Variants in DENND4A observed in about 807,000 individuals in gnomAD.
The protein encoded by DENND4A is C-myc promoter-binding protein.
Under a neutral mutation model 199.3 loss-of-function variants are expected in DENND4A, and 70 were observed. The ratio of observed to expected loss-of-function variants is 0.35; its 90% confidence interval spans 0.29 to 0.43. The LOEUF (loss-of-function observed/expected upper bound fraction) is 0.43. Ranked by LOEUF, DENND4A falls within the 20% of genes least tolerant of loss-of-function variation. The probability of loss-of-function intolerance (pLI) is 1.00; values close to 1 mark genes in which losing one functional copy is unlikely to be tolerated. For missense variants in DENND4A, 1,723 were observed against 2,255.8 expected, an observed-to-expected ratio of 0.76 and a Z score of 4.78; for synonymous variants, 686 against 766.9, an observed-to-expected ratio of 0.89 and a Z score of 1.74.
intron 23 of DENND4A, among the ~76,000 whole-genome samples, chr15:65,690,098 G>A (rs1440676802): frequency 6.6e-6 from 1 of 152,054 alleles, no homozygotes; most frequent in Non-Finnish European, 1.5e-5. Flanking sequence ...AGGGCATATT[G>A]GACACATTAT....
intron 32 of DENND4A, 32 bp from the exon 33 acceptor site, chr15:65,662,019 A>C: frequency 1.9e-6 from 3 of 1,574,734 alleles, no homozygotes; most frequent in Middle Eastern, 3.4e-4. Context: ...TAAAAGAATA[A>C]AGAAATTTAG....
intron 14 of DENND4A, among the ~76,000 whole-genome samples, chr15:65,708,721 C>T (rs980176608): frequency 3.9e-5 from 6 of 152,098 alleles, no homozygotes; most frequent in African/African-American, 1.4e-4. Context: ...CATTAATATG[C>T]TCAGAAAACA....
At chr15:65,783,492 A>T (rs2077486917) in intron 1 of DENND4A, among the ~76,000 whole-genome samples, 1 of 152,222 alleles carries the variant, frequency 6.6e-6, no homozygotes, top group Non-Finnish European at 1.5e-5. Context: ...CTATACACTG[A>T]AAAGGCCTAG....
intron 14 of DENND4A, chr15:65,715,271 T>C: frequency 2.3e-6 from 1 of 431,448 alleles, no homozygotes; most frequent in South Asian, 3.4e-5. Flanking sequence ...TGATTACAAT[T>C]ACCTTGTAGT....
intron 1 of DENND4A, among the ~76,000 whole-genome samples, chr15:65,770,805 A>T (rs1420823709): frequency 6.6e-6 from 1 of 152,236 alleles, no homozygotes; most frequent in Non-Finnish European, 1.5e-5. Flanking sequence ...TAAATAAAAA[A>T]GCAGTAACCT....
intron 1 of DENND4A, 67 bp downstream of exon 1, chr15:65,791,943 T>A (rs1181808018): frequency 1.3e-5 from 2 of 150,462 alleles, no homozygotes; most frequent in African/African-American, 4.9e-5. Context: ...CGCCCCCGGC[T>A]GTCACCTCTC....
At chr15:65,696,251 CAAAAT>C (rs1293024783) in intron 22 of DENND4A, 110 bp downstream of exon 22, 1 of 1,340,252 alleles carries the variant, frequency 7.5e-7, no homozygotes, top group Non-Finnish European at 9.9e-7. Flanking sequence ...AGAGGCTGCA[CAAAAT>C]ATTTTTTAAA....
intron 11 of DENND4A, chr15:65,727,817 T>C (rs762652329): frequency 1.4e-4 from 55 of 398,928 alleles, no homozygotes; most frequent in East Asian, 3.9e-4. Context: ...CACAAAACAA[T>C]ACAGAATTAT....
At position 65,661,646 on chromosome 15, in the gene DENND4A, AAAAG is replaced by A. The variant is rs976055016; in HGVS notation, c.*201_*204del. The A allele has an allele frequency of 2.8e-5, 11 of 399,908 alleles. No homozygotes were observed. The highest frequency in any genetic ancestry group is 2.2e-4 in the African/African-American group (11 of 49,066). 24.8% of individuals were successfully genotyped at this position (399,908 alleles called of 1,614,324 possible). On this transcript the variant is annotated 3_prime_UTR_variant, in exon 33 of 33. Coordinates refer to ENST00000443035, the MANE Select transcript of DENND4A (RefSeq NM_001320835.1). ...TTACAGGGGAGTTAAAGAAGAAGAA[AAAAG>A]AAATGAGAAACAAAGTGGCTTTCTC...
chr15:65,670,054 G>A lies in DENND4A; in HGVS notation c.4599C>T (p.Pro1533=). 6.3e-7 allele frequency: 1 copy of A among 1,599,038 alleles called. No individual in the cohort carries two copies. The highest frequency in any genetic ancestry group is 8.5e-7 in the Non-Finnish European group (1 of 1,172,190). Residue 1533 remains proline (P), a synonymous_variant, in exon 26 of 33, where the codon CCC becomes CCT. Coordinates refer to ENST00000443035, the MANE Select transcript of DENND4A (RefSeq NM_001320835.1). ...TCPFCGNIFL[P]FLNIEIRDLR... ...AATCTCTTATTTCTATATTCAGAAA[G>A]GGTAAGAAGATATTGCCACAGAATG...
chr15:65,661,073 A>G lies in DENND4A; in HGVS notation c.*778T>C, dbSNP rs1023032383. 1.3e-5 allele frequency: 2 copies of G among 152,194 alleles called. No homozygotes were observed. Among genetic ancestry groups the G allele is most frequent in the African/African-American group, 4.8e-5 (2 of 41,438 alleles). 9.4% of individuals were successfully genotyped at this position (152,194 alleles called of 1,614,324 possible). A position where few individuals can be genotyped will look rare whatever the true frequency, so the allele number is the denominator to read the frequency against. On this transcript the variant is annotated 3_prime_UTR_variant, in exon 33 of 33. Coordinates refer to ENST00000443035, the MANE Select transcript of DENND4A (RefSeq NM_001320835.1). ...AGAGACAATTTTGGAGTCATGGTAT[A>G]GTGAACCTCTCTGGCTCTCCTTGCA...
intron 20 of DENND4A, among the ~76,000 whole-genome samples, chr15:65,699,590 T>C (rs1052199911): frequency 6.7e-6 from 1 of 149,538 alleles, no homozygotes; most frequent in Admixed American, 6.7e-5. Flanking sequence ...TAAATACATA[T>C]ACATATGTGT....
rs1289550191 is a variant in DENND4A at position 65,729,055 on chromosome 15, C to T, written c.1487+17G>A. 4 of 1,562,174 alleles carry T rather than the reference C, an allele frequency of 2.6e-6. No homozygotes were observed. The African/African-American group carries it at 5.4e-5, about 21-fold the overall frequency. On this transcript the variant is annotated intron_variant, in intron 11 of 32. Coordinates refer to ENST00000443035, the MANE Select transcript of DENND4A (RefSeq NM_001320835.1). Reference sequence around the variant, plus strand: ...AAGTTGTAAAATATACATGTAGAATCACTAAAATGTACTTACTGAGAAATA... The same window carrying T: ...AAGTTGTAAAATATACATGTAGAATTACTAAAATGTACTTACTGAGAAATA...
Position 65,788,854 on chromosome 15 carries a change from T to TA in DENND4A, c.-102+3155dup, listed in dbSNP as rs34831088. On this transcript the variant is annotated intron_variant, in intron 1 of 32. Transcript: ENST00000443035. The stretch of plus-strand genomic sequence containing the variant: ...TGGGTGACAGAGCCAGGACTTGTCT[T>TA]AAAAAAAAAAAAAAAAAAAAAAAGT... Among the ~76,000 whole-genome samples, 801 of 102,276 alleles carry TA rather than the reference T, an allele frequency of 7.8e-3. 5 individuals are homozygous for TA. Among genetic ancestry groups the TA allele is most frequent in the African/African-American group, 0.021 (540 of 25,826 alleles). The allele number at this position is 102,276 out of a possible 152,430, so 67.1% of individuals were successfully genotyped here. A position where few individuals can be genotyped will look rare whatever the true frequency, so the allele number is the denominator to read the frequency against.
intron 4 of DENND4A, among the ~76,000 whole-genome samples, chr15:65,746,578 GT>G (rs1397342968): frequency 1.3e-5 from 2 of 150,734 alleles, no homozygotes; most frequent in African/African-American, 4.9e-5. Context: ...TAGAGACAGG[GT>G]TTCAGCATGT....
rs756878419 is a variant in DENND4A, at chr15:65,752,454, A to G, written c.486T>C (p.Cys162=). 6.2e-7 allele frequency: 1 copy of G among 1,613,740 alleles called. No individual in the cohort carries two copies. The highest frequency in any genetic ancestry group is 8.5e-7 in the Non-Finnish European group (1 of 1,179,782). The change falls in exon 4 of 33, where the codon TGT becomes TGC. Residue 162 remains cysteine, a synonymous_variant. Coordinates refer to ENST00000443035, the MANE Select transcript of DENND4A (RefSeq NM_001320835.1). Reference sequence around the variant, plus strand: ...TTTCTCCTTTACTGGGTATAATAATACATATGTCAGTGACAGCCAACGTAT... The same window carrying G: ...TTTCTCCTTTACTGGGTATAATAATGCATATGTCAGTGACAGCCAACGTAT... ...TQNTLAVTDI[C]IIIPSKGESP...
chr15:65,686,437 C>T (rs897626744), intron 23 of DENND4A, among the ~76,000 whole-genome samples: 4 of 152,138 alleles, frequency 2.6e-5, no homozygotes, highest in African/African-American at 7.2e-5. Context: ...ATCAACTGAG[C>T]GTTTTTAAAT....
intron 14 of DENND4A, among the ~76,000 whole-genome samples, chr15:65,709,571 G>GT: frequency 6.6e-6 from 1 of 151,274 alleles, no homozygotes; most frequent in Admixed American, 6.6e-5. Context: ...GCACACGCCT[G>GT]TAATCCCAGC....
At chr15:65,750,109 AGAAATATAAAGAAATTTCCAT>A (rs1329205496) in intron 4 of DENND4A, among the ~76,000 whole-genome samples, 4 of 141,530 alleles carry the variant, frequency 2.8e-5, no homozygotes, top group Non-Finnish European at 5.9e-5. Flanking sequence ...GGCTTATATC[AGAAATATAAAGAAATTTCCAT>A]TTTTTTAATA....
Sources: allele counts gnomAD v4.1 joint callset (sites outside exome capture counted in the v4.1 genomes callset), GRCh38; gene constraint gnomAD v4.1.1; transcripts MANE v1.5; gene names NCBI Gene and HGNC (gene_info 2026-07-23, HGNC 2026-07-21).